The following PLPP3 variants were observed in gnomAD, a reference collection of about 807,000 sequenced individuals.
PLPP3 encodes the protein PAP2 beta.
In PLPP3, 6 loss-of-function variants were observed where a neutral mutation model predicts 29.6. That is an observed-to-expected ratio of 0.20 (90% CI 0.11 to 0.40). The LOEUF is 0.40. Ranked by LOEUF, PLPP3 falls within the 10% of genes least tolerant of loss-of-function variation. PLPP3 has a pLI of 1.00. For missense variants in PLPP3, 308 were observed against 407.7 expected (o/e 0.76, Z 2.11); for synonymous variants, 152 against 159.7 (o/e 0.95, Z 0.36).
intron 2 of PLPP3, among the ~76,000 whole-genome samples, chr1:56,533,519 C>CTCTGGTT (rs1369697601): frequency 2.0e-5 from 3 of 152,126 alleles, no homozygotes; most frequent in South Asian, 4.1e-4. Context: ...CTGGTCTGGC[C>CTCTGGTT]ATGCCACTAC....
chr1:56,531,026 G>A (rs1645884258), intron 2 of PLPP3, among the ~76,000 whole-genome samples: 1 of 152,132 alleles, frequency 6.6e-6, no homozygotes, highest in Non-Finnish European at 1.5e-5. Context: ...TTGTACAACT[G>A]AGCTCTCTAA....
intron 4 of PLPP3, among the ~76,000 whole-genome samples, chr1:56,514,115 C>A (rs953986398): frequency 1.3e-5 from 2 of 150,918 alleles, no homozygotes; most frequent in Non-Finnish European, 3.0e-5. Flanking sequence ...GTGCTAAAGA[C>A]AAAGAAAAAT....
intron 1 of PLPP3, among the ~76,000 whole-genome samples, chr1:56,554,571 C>CAA (rs1377385549): frequency 2.8e-4 from 26 of 93,620 alleles, no homozygotes; most frequent in South Asian, 7.1e-4. Flanking sequence ...GACTCCATCT[C>CAA]AAAAAAAAAA....
chr1:56,496,763 C>T, intron 5 of PLPP3, 87 bp from the exon 6 acceptor site: 5 of 1,475,974 alleles, frequency 3.4e-6, no homozygotes, highest in Non-Finnish European at 3.6e-6. Context: ...GGAGCGCAGA[C>T]TTCAGGAAAA....
chr1:56,575,377 GA>G (rs1184221767), intron 1 of PLPP3, among the ~76,000 whole-genome samples: 6 of 152,148 alleles, frequency 3.9e-5, no homozygotes, highest in Non-Finnish European at 2.9e-5. Flanking sequence ...CCCATATATA[GA>G]ACCAGTTCTA....
chr1:56,529,874 A>T (rs563407132), intron 2 of PLPP3, among the ~76,000 whole-genome samples: 2 of 152,290 alleles, frequency 1.3e-5, no homozygotes, highest in East Asian at 3.9e-4. Context: ...TATCTAGAAT[A>T]AAGACAGCAA....
intron 5 of PLPP3, 27 bp from the exon 6 acceptor site, chr1:56,496,703 T>C (rs1645633711): frequency 6.2e-7 from 1 of 1,612,082 alleles, no homozygotes; most frequent in Non-Finnish European, 8.5e-7. Context: ...GAGATCGAAG[T>C]CAGTAACTGA....
chr1:56,568,099 A>G (rs1228523554), intron 1 of PLPP3, among the ~76,000 whole-genome samples: 1 of 152,212 alleles, frequency 6.6e-6, no homozygotes, highest in Non-Finnish European at 1.5e-5. Flanking sequence ...AAATCTATGG[A>G]GAAAGAAATT....
rs771463266 is a variant in PLPP3, at chr1:56,524,350, G to C, written c.502C>G (p.Gln168Glu). 6.2e-7 allele frequency: 1 copy of C among 1,614,068 alleles called. No individual in the cohort carries two copies. The highest frequency in any genetic ancestry group is 1.1e-5 in the South Asian group (1 of 91,086). Residue 168 changes from glutamine to glutamate, a missense_variant, in exon 3 of 6, where the codon CAG (glutamine) becomes GAG (glutamate). Physicochemically the swap from Gln to Glu is conservative, Grantham distance 29. This residue lies in a region of PLPP3 where 232 missense variants were observed against 317.2 expected (regional missense o/e 0.73). Transcript: ENST00000371250. This position sits in a 1 kb window ranked among gnomAD's most constrained non-coding sequence, Gnocchi z 4.3. ...ATGTAGCCTTCAGAGCAGTTGATCT[G>C]GCTGAAATCAGGGTTGCAGACACTC... ...FLSVCNPDFS[Q>E]INCSEGYIQN... is the part of the protein sequence containing the mutation.
intron 1 of PLPP3, among the ~76,000 whole-genome samples, chr1:56,566,047 T>C (rs936364742): frequency 1.3e-5 from 2 of 152,152 alleles, no homozygotes; most frequent in African/African-American, 4.8e-5. Flanking sequence ...TTGACTAGTC[T>C]AGGCAGAGGC....
intron 1 of PLPP3, among the ~76,000 whole-genome samples, chr1:56,551,344 A>C (rs563749844): frequency 8.2e-6 from 1 of 122,116 alleles, no homozygotes; most frequent in South Asian, 3.0e-4. Flanking sequence ...CAATTAGCAG[A>C]CCTAGATACA....
chr1:56,552,112 A>C (rs1646043631), intron 1 of PLPP3, among the ~76,000 whole-genome samples: 1 of 152,110 alleles, frequency 6.6e-6, no homozygotes, highest in African/African-American at 2.4e-5. Flanking sequence ...TTAAGGTTCC[A>C]GACCTGAAGG....
At chr1:56,518,282 C>T (rs1337078182) in intron 4 of PLPP3, among the ~76,000 whole-genome samples, 3 of 152,152 alleles carry the variant, frequency 2.0e-5, no homozygotes, top group Non-Finnish European at 1.5e-5. Context: ...GGCTCCAGGG[C>T]GCCATACATG....
intron 5 of PLPP3, among the ~76,000 whole-genome samples, chr1:56,508,036 T>C (rs1645714994): frequency 6.6e-6 from 1 of 152,214 alleles, no homozygotes; most frequent in Non-Finnish European, 1.5e-5. Flanking sequence ...GTGAGACCCT[T>C]TTCCAACTCC....
At chr1:56,551,411 T>C in intron 1 of PLPP3, among the ~76,000 whole-genome samples, 1 of 151,978 alleles carries the variant, frequency 6.6e-6, no homozygotes, top group Admixed American at 6.6e-5. Context: ...GATTAGTGAA[T>C]TCTCAGGACC....
chr1:56,511,597 T>A (rs1014919219), intron 5 of PLPP3, among the ~76,000 whole-genome samples: 1 of 152,088 alleles, frequency 6.6e-6, no homozygotes, highest in Non-Finnish European at 1.5e-5. Flanking sequence ...GTCAACAGAC[T>A]TAGCATGACA....
At chr1:56,499,418 C>A (rs1645651698) in intron 5 of PLPP3, among the ~76,000 whole-genome samples, 1 of 152,172 alleles carries the variant, frequency 6.6e-6, no homozygotes, top group Non-Finnish European at 1.5e-5. Flanking sequence ...GGAATCCTAT[C>A]CCTAATCACC....
chr1:56,557,014 G>GAAAGAAAGAAA (rs1281163801), intron 1 of PLPP3, among the ~76,000 whole-genome samples: 2 of 12,956 alleles, frequency 1.5e-4, no homozygotes, highest in African/African-American at 4.3e-4. Flanking sequence ...AAGAAAGAGA[G>GAAAGAAAGAAA]AGAGAGAGAG....
At chr1:56,498,400 A>T (rs1034859868) in intron 5 of PLPP3, among the ~76,000 whole-genome samples, 2 of 152,158 alleles carry the variant, frequency 1.3e-5, no homozygotes, top group Non-Finnish European at 2.9e-5. Flanking sequence ...TTAAAGTTCA[A>T]TGAGAAGATA....
Sources: allele counts gnomAD v4.1 joint callset (sites outside exome capture counted in the v4.1 genomes callset), GRCh38; gene constraint gnomAD v4.1.1; regional missense constraint gnomAD v4.1.1; non-coding constraint Gnocchi (gnomAD v3.1); transcripts MANE v1.5; gene names NCBI Gene and HGNC (gene_info 2026-07-23, HGNC 2026-07-21).